The following FHIP1B variants were observed in gnomAD, a reference collection of about 807,000 sequenced individuals.
FHIP1B encodes the protein FHF complex subunit HOOK-interacting protein 1B.
Under a neutral mutation model 82.2 loss-of-function variants are expected in FHIP1B, and 28 were observed. The ratio of observed to expected loss-of-function variants is 0.34; its 90% CI spans 0.25 to 0.47. The LOEUF (loss-of-function observed/expected upper bound fraction) is 0.47. FHIP1B is among the 20% of genes least tolerant of loss of function. FHIP1B has a pLI of 1.00. For missense variants in FHIP1B, 1,110 were observed against 1,262.6 expected, an observed-to-expected ratio of 0.88 and a Z score of 1.83; for synonymous variants, 585 against 516.1, an observed-to-expected ratio of 1.13 and a Z score of -1.81.
intron 6 of FHIP1B, among the ~76,000 whole-genome samples, chr11:6,221,403 T>C (rs1276912358): frequency 6.6e-6 from 1 of 152,146 alleles, no homozygotes; most frequent in Non-Finnish European, 1.5e-5. Flanking sequence ...ATGAAGTCCA[T>C]GGCAAAATTA....
chr11:6,231,860 T>C (rs1201485269), intron 1 of FHIP1B, among the ~76,000 whole-genome samples: 2 of 152,244 alleles, frequency 1.3e-5, no homozygotes, highest in African/African-American at 2.4e-5. Flanking sequence ...TATGTTTTCA[T>C]GTGTCTCTCT....
chr11:6,232,377 A>G (rs1347279912), intron 1 of FHIP1B, among the ~76,000 whole-genome samples: 1 of 152,258 alleles, frequency 6.6e-6, no homozygotes, highest in Non-Finnish European at 1.5e-5. Flanking sequence ...CTGCGACAGC[A>G]TTAAACATAA....
chr11:6,229,178 G>A (rs1847636875), intron 1 of FHIP1B, among the ~76,000 whole-genome samples: 1 of 152,206 alleles, frequency 6.6e-6, no homozygotes, highest in South Asian at 2.1e-4. Context: ...ATAATACAGA[G>A]TAGTAGGTAA....
Position 6,223,629 on chromosome 11 carries a change from T to A in FHIP1B, c.758A>T (p.Asp253Val), listed in dbSNP as rs1564866344. The A allele has an allele frequency of 6.3e-7, 1 of 1,597,538 alleles. No homozygotes were observed. The part of the protein sequence containing the change: ...GSPTVGRYIA[D>V]HSYFCPVLAT... ...GCTAACCGGGCAGAAGTAAGAGTGATCCGCGATGTAGCGGCCCACAGTGGG... is the reference window on the plus strand; with the variant it reads ...GCTAACCGGGCAGAAGTAAGAGTGAACCGCGATGTAGCGGCCCACAGTGGG... The change falls in exon 3 of 12, where the codon GAT becomes GTT. Residue 253 changes from aspartate (D) to valine (V), a missense_variant. This residue lies in a region of FHIP1B where 467 missense variants were observed against 602.9 expected (regional missense o/e 0.77). Transcript: ENST00000449352. This position sits in a 1 kb window ranked among gnomAD's most constrained non-coding sequence, Gnocchi z 4.8.
intron 11 of FHIP1B, among the ~76,000 whole-genome samples, chr11:6,213,914 A>C (rs1847145210): frequency 6.6e-6 from 1 of 151,866 alleles, no homozygotes; most frequent in South Asian, 2.1e-4. Context: ...TCACTGCCTA[A>C]AACATCCCAA....
chr11:6,224,798 A>T, intron 1 of FHIP1B, 91 bp from the exon 2 acceptor site: 1 of 422,684 alleles, frequency 2.4e-6, no homozygotes. Flanking sequence ...CCACACACCT[A>T]TATATACATA....
intron 9 of FHIP1B, chr11:6,216,703 G>A (rs1380177193): frequency 2.6e-5 from 6 of 227,628 alleles, no homozygotes; most frequent in Admixed American, 2.6e-4. Flanking sequence ...CTCAGTCAGG[G>A]AGCTCAGGGC....
intron 1 of FHIP1B, among the ~76,000 whole-genome samples, chr11:6,225,881 C>T (rs759619622): frequency 2.0e-5 from 3 of 152,142 alleles, no homozygotes; most frequent in Non-Finnish European, 4.4e-5. Context: ...CAGACACATT[C>T]CCATCTCCAC....
At chr11:6,232,609 G>T (rs1181176728) in intron 1 of FHIP1B, among the ~76,000 whole-genome samples, 1 of 152,138 alleles carries the variant, frequency 6.6e-6, no homozygotes, top group African/African-American at 2.4e-5. Context: ...TAAAATGAAA[G>T]TTCCTGTCTT....
chr11:6,217,211 T>C, intron 9 of FHIP1B, 160 bp downstream of exon 9: 3 of 729,192 alleles, frequency 4.1e-6, no homozygotes, highest in Non-Finnish European at 7.4e-6. Context: ...GGGACACAAG[T>C]ATGACATGAC....
At chr11:6,234,086 A>G (rs184444962) in intron 1 of FHIP1B, among the ~76,000 whole-genome samples, 130 of 152,236 alleles carry the variant, frequency 8.5e-4, no homozygotes, top group African/African-American at 2.8e-3. Flanking sequence ...AGGGCAGTCC[A>G]TCGAAGGAGG....
chr11:6,219,880 G>A (rs748485285), intron 6 of FHIP1B, among the ~76,000 whole-genome samples: 10 of 152,234 alleles, frequency 6.6e-5, no homozygotes, highest in South Asian at 2.1e-4. Flanking sequence ...ACATGACCAC[G>A]GGAGAATTAA....
Position 6,219,015 on chromosome 11 carries a change from G to A in FHIP1B, c.1227C>T (p.Leu409=). Residue 409 remains leucine (L), a synonymous_variant, in exon 7 of 12, where the codon CTC becomes CTT. Transcript: ENST00000449352. ...CMVSLSLFRT[L]LNLSCEDVLL... ...GGACATCCTCACAGCTGAGGTTCAG[G>A]AGGGTCCTGAAGAGACTCAGAGAGA... The A allele has an allele frequency of 6.2e-7, 1 of 1,613,824 alleles. No individual in the cohort carries two copies. The highest frequency in any genetic ancestry group is 2.2e-5 in the East Asian group (1 of 44,858).
intron 1 of FHIP1B, among the ~76,000 whole-genome samples, chr11:6,228,445 G>A (rs1847619749): frequency 6.6e-6 from 1 of 152,154 alleles, no homozygotes; most frequent in African/African-American, 2.4e-5. Context: ...AGGCTCAAGG[G>A]TGTCTGTCAA....
In FHIP1B at chr11:6,217,547, T is replaced by G; in HGVS notation, c.2039A>C (p.Glu680Ala). 6.2e-7 allele frequency: 1 copy of G among 1,609,764 alleles called. No individual in the cohort carries two copies. The highest frequency in any genetic ancestry group is 1.7e-4 in the Middle Eastern group (1 of 6,028). Residue 680 changes from glutamate to alanine, a missense_variant, in exon 9 of 12, where the codon GAG becomes GCG. Physicochemically the swap from Glu to Ala is moderately radical, Grantham distance 107. Transcript: ENST00000449352. ...CCCATTGCTCAATGCCACCTCTAGC[T>G]CCCGGAGCTCCTGCCCAAAGCCCTC... ...GLEGFGQELR[E>A]LEVALSNGGT...
At chr11:6,230,209 C>T (rs1295502764) in intron 1 of FHIP1B, among the ~76,000 whole-genome samples, 1 of 152,138 alleles carries the variant, frequency 6.6e-6, no homozygotes, top group Non-Finnish European at 1.5e-5. Flanking sequence ...AACCTTTGCC[C>T]TGGGAGAGGC....
At chr11:6,212,486 TCTTCACCATTCACCA>T (rs1193976921) in intron 11 of FHIP1B, among the ~76,000 whole-genome samples, 1 of 152,132 alleles carries the variant, frequency 6.6e-6, no homozygotes, top group African/African-American at 2.4e-5. Context: ...CAAAATATGC[TCTTCACCATTCACCA>T]CTTCACCATT....
At chr11:6,217,116 C>T (rs1330122530) in intron 9 of FHIP1B, 1 of 703,152 alleles carries the variant, frequency 1.4e-6, no homozygotes, top group Non-Finnish European at 2.6e-6. Flanking sequence ...AGAGGAGGAA[C>T]ATGCACATAG....
At chr11:6,229,511 T>C (rs1847644841) in intron 1 of FHIP1B, among the ~76,000 whole-genome samples, 1 of 152,226 alleles carries the variant, frequency 6.6e-6, no homozygotes, top group Non-Finnish European at 1.5e-5. Flanking sequence ...CTCCCATGCA[T>C]ACCTCAGTCA....
Sources: allele counts gnomAD v4.1 joint callset (sites outside exome capture counted in the v4.1 genomes callset), GRCh38; gene constraint gnomAD v4.1.1; regional missense constraint gnomAD v4.1.1; non-coding constraint Gnocchi (gnomAD v3.1); transcripts MANE v1.5; gene names NCBI Gene and HGNC (gene_info 2026-07-23, HGNC 2026-07-21).